SEMA3E: variants seen among roughly 807,000 people sequenced by gnomAD.
The protein encoded by SEMA3E is semaphorin 3E, also known as semaphorin-3E.
In SEMA3E, 49 loss-of-function variants were observed where a neutral mutation model predicts 93.6. The ratio of observed to expected loss-of-function variants is 0.52; its 90% confidence interval spans 0.42 to 0.66. SEMA3E has a LOEUF of 0.66. SEMA3E is among the 30% of genes least tolerant of loss of function. SEMA3E has a pLI of 0.00. For missense variants in SEMA3E, 906 were observed against 964.8 expected (o/e 0.94, Z 0.81); for synonymous variants, 363 against 330.7 (o/e 1.10, Z -1.06).
rs745461858 is a variant in SEMA3E at position 83,490,289 on chromosome 7, G to A, written c.116-15C>T. The A allele has an allele frequency of 6.8e-6, 11 of 1,609,884 alleles. No individual in the cohort carries two copies. The South Asian group carries it at 1.2e-4, about 18-fold the overall frequency. On this transcript the variant is annotated splice_polypyrimidine_tract_variant and intron_variant, in intron 1 of 16. Coordinates refer to ENST00000643230, the MANE Select transcript of SEMA3E (RefSeq NM_012431.3). ...ATTCAAGAGCTCTGAAATGCAAAGT[G>A]ATACATACACTAAGCACACGAGAAA...
intron 15 of SEMA3E, 79 bp downstream of exon 15, chr7:83,386,904 G>C (rs1787893473): frequency 5.8e-6 from 7 of 1,201,284 alleles, no homozygotes; most frequent in Non-Finnish European, 6.1e-6. Flanking sequence ...AGAAAAAAAG[G>C]ACTCTTTTTA....
At chr7:83,419,537 A>G (rs755667224) in intron 4 of SEMA3E, among the ~76,000 whole-genome samples, 1 of 152,172 alleles carries the variant, frequency 6.6e-6, no homozygotes, top group Middle Eastern at 3.2e-3. Context: ...GAACTAATGT[A>G]TACTCCTTCT....
At chr7:83,378,615 T>C (rs1787709352) in intron 16 of SEMA3E, among the ~76,000 whole-genome samples, 1 of 151,852 alleles carries the variant, frequency 6.6e-6, no homozygotes, top group East Asian at 1.9e-4. Context: ...CTTCACACAT[T>C]ATCCCTGGAA....
intron 1 of SEMA3E, among the ~76,000 whole-genome samples, chr7:83,584,327 G>A (rs903190056): frequency 1.3e-5 from 2 of 151,992 alleles, no homozygotes; most frequent in Non-Finnish European, 2.9e-5. Context: ...CTCAAAAGTT[G>A]TGCACTCTGT....
chr7:83,484,864 A>G (rs1474258953), intron 2 of SEMA3E, among the ~76,000 whole-genome samples: 1 of 151,640 alleles, frequency 6.6e-6, no homozygotes, highest in Admixed American at 6.6e-5. Context: ...GCTAAGATAG[A>G]GAGGTATTGG....
intron 16 of SEMA3E, chr7:83,371,508 T>G (rs1794748542): frequency 6.6e-6 from 1 of 152,196 alleles, no homozygotes; most frequent in Admixed American, 6.5e-5. Context: ...GTTTATAATT[T>G]ATCTTTAATT....
chr7:83,548,999 C>A (rs1791707725), intron 1 of SEMA3E, among the ~76,000 whole-genome samples: 1 of 152,002 alleles, frequency 6.6e-6, no homozygotes, highest in South Asian at 2.1e-4. Flanking sequence ...GCTCCAAAGA[C>A]AAAGAAGCCC....
At chr7:83,553,707 T>A (rs215257) in intron 1 of SEMA3E, among the ~76,000 whole-genome samples, 80,149 of 151,984 alleles carry the variant, frequency 0.53, 21,896 homozygotes, top group African/African-American at 0.66. Flanking sequence ...GTTCAAAAAT[T>A]AACATTTTGT....
chr7:83,412,578 C>T (rs1788458074), intron 5 of SEMA3E, among the ~76,000 whole-genome samples: 1 of 151,710 alleles, frequency 6.6e-6, no homozygotes, highest in Non-Finnish European at 1.5e-5. Context: ...AGACCCCCAT[C>T]TCTACAAATA....
intron 2 of SEMA3E, among the ~76,000 whole-genome samples, chr7:83,482,416 A>T (rs1790164167): frequency 6.6e-6 from 1 of 151,832 alleles, no homozygotes; most frequent in Admixed American, 6.6e-5. Context: ...AATACAAAAA[A>T]TTAGCCGGGT....
chr7:83,514,024 A>G (rs1400326261), intron 1 of SEMA3E, among the ~76,000 whole-genome samples: 1 of 152,138 alleles, frequency 6.6e-6, no homozygotes, highest in Admixed American at 6.6e-5. Flanking sequence ...GATAAAACAG[A>G]TTGCAGTAAA....
intron 1 of SEMA3E, among the ~76,000 whole-genome samples, chr7:83,584,291 G>A (rs765105794): frequency 2.0e-5 from 3 of 151,968 alleles, no homozygotes; most frequent in Admixed American, 6.6e-5. Context: ...CCCAAGTTAC[G>A]CAGCTAATGA....
intron 2 of SEMA3E, among the ~76,000 whole-genome samples, chr7:83,487,168 T>C (rs548804953): frequency 4.5e-4 from 69 of 152,208 alleles, no homozygotes; most frequent in Admixed American, 2.4e-3. Flanking sequence ...GAGTAGGTGA[T>C]TCAATTTCCC....
chr7:83,568,004 G>GA (rs536941931), intron 1 of SEMA3E, among the ~76,000 whole-genome samples: 21 of 148,968 alleles, frequency 1.4e-4, no homozygotes, highest in African/African-American at 2.9e-4. Context: ...GTCTAATCAA[G>GA]AAAAAAAAAC....
At chr7:83,411,654 A>G (rs1226239229) in intron 5 of SEMA3E, among the ~76,000 whole-genome samples, 1 of 152,132 alleles carries the variant, frequency 6.6e-6, no homozygotes, top group African/African-American at 2.4e-5. Flanking sequence ...TAAAATTTTT[A>G]ATACAATTTG....
intron 1 of SEMA3E, among the ~76,000 whole-genome samples, chr7:83,524,854 A>G (rs1046896987): frequency 6.6e-6 from 1 of 151,746 alleles, no homozygotes; most frequent in African/African-American, 2.4e-5. Context: ...TCTCTCCTGG[A>G]GCCTCTGCTT....
intron 2 of SEMA3E, among the ~76,000 whole-genome samples, chr7:83,487,446 C>T (rs1790282474): frequency 6.6e-6 from 1 of 152,000 alleles, no homozygotes; most frequent in South Asian, 2.1e-4. Flanking sequence ...CTAATATTCA[C>T]ATATTAACAA....
chr7:83,431,223 TGGTA>T (rs1204629806), intron 4 of SEMA3E, among the ~76,000 whole-genome samples: 1 of 84,452 alleles, frequency 1.2e-5, no homozygotes, highest in African/African-American at 2.8e-5. Flanking sequence ...GAATTATATT[TGGTA>T]GATAAATAAT....
intron 1 of SEMA3E, among the ~76,000 whole-genome samples, chr7:83,614,467 G>A (rs1030500079): frequency 9.9e-5 from 15 of 152,128 alleles, no homozygotes; most frequent in Admixed American, 9.8e-4. Context: ...AAAATAGTTT[G>A]CTTAGTCATG....
Sources: allele counts gnomAD v4.1 joint callset (sites outside exome capture counted in the v4.1 genomes callset), GRCh38; gene constraint gnomAD v4.1.1; transcripts MANE v1.5; gene names NCBI Gene and HGNC (gene_info 2026-07-23, HGNC 2026-07-21).